DCAF10: variants seen among roughly 807,000 people sequenced by gnomAD.
DCAF10 encodes the protein DDB1 and CUL4 associated factor 10, also known as DDB1- and CUL4-associated factor 10.
DCAF10 carries 19 observed loss-of-function variants against 51.9 expected under a neutral mutation model. The observed-to-expected ratio is 0.37, with a 90% CI of 0.26 to 0.54. DCAF10 has a LOEUF of 0.54. Ranked by LOEUF, DCAF10 falls within the 20% of genes least tolerant of loss-of-function variation. The pLI is 0.87. For missense variants in DCAF10, 510 were observed against 730.6 expected, an observed-to-expected ratio of 0.70 and a Z score of 3.48; for synonymous variants, 291 against 297.1, an observed-to-expected ratio of 0.98 and a Z score of 0.21.
rs1390719822 is a variant in DCAF10 at position 37,801,783 on chromosome 9, T to C, written c.539+378T>C. On this transcript the variant is annotated intron_variant, in intron 1 of 6. Transcript: ENST00000377724. This position sits in a 1 kb window ranked among gnomAD's most constrained non-coding sequence, Gnocchi z 5.5. Reference sequence around the variant, plus strand: ...CTCCCCATCATCCTAGGCTCGCGTTTTCCTACCTAAACCTGTGTCGGGGTA... The same window carrying C: ...CTCCCCATCATCCTAGGCTCGCGTTCTCCTACCTAAACCTGTGTCGGGGTA... Among the ~76,000 whole-genome samples the C allele has an allele frequency of 5.3e-5, 8 of 152,180 alleles. No individual in the cohort carries two copies. The highest frequency in any genetic ancestry group is 8.8e-5 in the Non-Finnish European group (6 of 68,028).
chr9:37,854,766 G>T lies in DCAF10; in HGVS notation c.852-14G>T. 1 of 1,605,044 alleles carries T rather than the reference G, an allele frequency of 6.2e-7. No homozygotes were observed. Among genetic ancestry groups the T allele is most frequent in the South Asian group, 1.1e-5 (1 of 89,360 alleles). On this transcript the variant is annotated splice_polypyrimidine_tract_variant and intron_variant, in intron 3 of 6. Coordinates refer to ENST00000377724, the MANE Select transcript of DCAF10 (RefSeq NM_024345.5). ...TGATAACTCTAGATTTTGTTGGCTT[G>T]GTTTCTCCTGTAGGTATACAGAAGA...
chr9:37,852,965 T>TATATATATATAA (rs1281431404), intron 3 of DCAF10, among the ~76,000 whole-genome samples: 41 of 101,078 alleles, frequency 4.1e-4, no homozygotes, highest in African/African-American at 7.8e-4. Context: ...TATATATATA[T>TATATATATATAA]AAATTAGCTT....
In DCAF10 at chr9:37,844,533, C is replaced by A. The variant is rs1210159739; in HGVS notation, c.851+2247C>A. Among the ~76,000 whole-genome samples, 4 of 152,348 alleles carry A rather than the reference C, an allele frequency of 2.6e-5. No individual in the cohort carries two copies. The South Asian group carries it at 8.3e-4, about 32-fold the overall frequency. ...AGGCGTGGTGGCTGGCACCTGTAAT[C>A]CCAGCTACTTGGGAGGCTGAGGCAG... On this transcript the variant is annotated intron_variant, in intron 3 of 6. Transcript: ENST00000377724.
intron 2 of DCAF10, 147 bp from the exon 3 acceptor site, chr9:37,841,942 G>C: frequency 1.6e-6 from 1 of 622,848 alleles, no homozygotes; most frequent in Non-Finnish European, 2.7e-6. Flanking sequence ...ACTTTTTATA[G>C]TATATCAGTC....
At chr9:37,847,253 C>CAAAAA (rs78089886) in intron 3 of DCAF10, among the ~76,000 whole-genome samples, 165 of 32,614 alleles carry the variant, frequency 5.1e-3, no homozygotes, top group Non-Finnish European at 6.8e-3. Flanking sequence ...AACTCCATCT[C>CAAAAA]AAAAAAAAAA....
At chr9:37,820,191 T>C (rs1437371284) in intron 2 of DCAF10, among the ~76,000 whole-genome samples, 4 of 152,346 alleles carry the variant, frequency 2.6e-5, no homozygotes, top group Middle Eastern at 3.4e-3. Flanking sequence ...TGTTTTGATG[T>C]AACTCCTATG....
At chr9:37,812,368 A>G (rs1331983448) in intron 1 of DCAF10, among the ~76,000 whole-genome samples, 2 of 152,202 alleles carry the variant, frequency 1.3e-5, no homozygotes, top group African/African-American at 4.8e-5. Context: ...AAAGACAAAG[A>G]AAATCTTAAA....
chr9:37,843,389 C>T (rs1830389135), intron 3 of DCAF10, among the ~76,000 whole-genome samples: 1 of 151,958 alleles, frequency 6.6e-6, no homozygotes, highest in South Asian at 2.1e-4. Context: ...TTCTAGCTAC[C>T]CATACTCTTT....
At chr9:37,824,420 T>C (rs60573707) in intron 2 of DCAF10, among the ~76,000 whole-genome samples, 2,984 of 152,076 alleles carry the variant, frequency 0.02, 100 homozygotes, top group African/African-American at 0.068. Flanking sequence ...TAATTAAATA[T>C]ATGTAATGAA....
At chr9:37,819,508 A>G in intron 2 of DCAF10, 107 bp downstream of exon 2, 1 of 671,704 alleles carries the variant, frequency 1.5e-6, no homozygotes, top group Non-Finnish European at 2.5e-6. Context: ...GCACTGCTAG[A>G]TGATCCACAT....
At chr9:37,855,844 A>C (rs535301348) in intron 4 of DCAF10, among the ~76,000 whole-genome samples, 1 of 151,982 alleles carries the variant, frequency 6.6e-6, no homozygotes, top group East Asian at 1.9e-4. Context: ...GGAAGACCTC[A>C]TCTCTACAAA....
intron 2 of DCAF10, among the ~76,000 whole-genome samples, chr9:37,827,207 G>T (rs1340263872): frequency 6.6e-6 from 1 of 152,110 alleles, no homozygotes; most frequent in African/African-American, 2.4e-5. Flanking sequence ...TAAATGGGTA[G>T]GGGAGGAAAT....
chr9:37,801,157 G>A lies in DCAF10; in HGVS notation c.291G>A (p.Arg97=). The A allele has an allele frequency of 6.5e-7, 1 of 1,537,246 alleles. No homozygotes were observed. Among genetic ancestry groups the A allele is most frequent in the Admixed American group, 2.0e-5 (1 of 50,220 alleles). ...CACCTCCCTCCCCTCCGTGCCGGCG[G>A]CCCGGGCCAGACTGCAGGGCCAAGA... is the stretch of plus-strand genomic sequence containing the variant. ...EPSPPSPPCR[R]PGPDCRAKSR... Residue 97 remains arginine, a synonymous_variant, in exon 1 of 7, where the codon CGG becomes CGA. Coordinates refer to ENST00000377724, the MANE Select transcript of DCAF10 (RefSeq NM_024345.5). The surrounding 1 kb of genome is among the most constrained non-coding windows in gnomAD (Gnocchi z 5.5).
At chr9:37,846,980 G>A (rs1423192931) in intron 3 of DCAF10, among the ~76,000 whole-genome samples, 1 of 152,064 alleles carries the variant, frequency 6.6e-6, no homozygotes, top group Non-Finnish European at 1.5e-5. Context: ...AGGGCTGGGT[G>A]TGGTGGCTCA....
intron 3 of DCAF10, among the ~76,000 whole-genome samples, chr9:37,842,529 AAG>A: frequency 6.6e-6 from 1 of 152,224 alleles, no homozygotes. Flanking sequence ...CTTATAAAAA[AAG>A]AGTTTCCTGA....
intron 3 of DCAF10, among the ~76,000 whole-genome samples, chr9:37,850,286 T>C (rs1830594631): frequency 6.6e-6 from 1 of 152,144 alleles, no homozygotes; most frequent in African/African-American, 2.4e-5. Flanking sequence ...TAGGTATATA[T>C]CCAAAGGAAA....
At chr9:37,856,693 C>T (rs1444857263) in intron 4 of DCAF10, among the ~76,000 whole-genome samples, 4 of 152,012 alleles carry the variant, frequency 2.6e-5, no homozygotes, top group African/African-American at 9.7e-5. Flanking sequence ...TGCCTTTAGG[C>T]CCAGCTACTC....
At chr9:37,839,408 G>A (rs1461546139) in intron 2 of DCAF10, among the ~76,000 whole-genome samples, 3 of 151,844 alleles carry the variant, frequency 2.0e-5, no homozygotes, top group East Asian at 3.9e-4. Context: ...TTTTGTTATC[G>A]TTATTTTTAA....
chr9:37,811,782 A>G (rs1318322538), intron 1 of DCAF10, among the ~76,000 whole-genome samples: 1 of 152,244 alleles, frequency 6.6e-6, no homozygotes, highest in Non-Finnish European at 1.5e-5. Context: ...GAAAGATATT[A>G]AAGAGAATGA....
Sources: allele counts gnomAD v4.1 joint callset (sites outside exome capture counted in the v4.1 genomes callset), GRCh38; gene constraint gnomAD v4.1.1; non-coding constraint Gnocchi (gnomAD v3.1); transcripts MANE v1.5; gene names NCBI Gene and HGNC (gene_info 2026-07-23, HGNC 2026-07-21).